The following GALNT17 variants were observed in gnomAD, a reference collection of about 807,000 sequenced individuals.
GALNT17 encodes the protein UDP-GalNAc:polypeptide N-acetylgalactosaminyltransferase-like 3.
GALNT17 carries 29 observed loss-of-function variants against 63.7 expected under a neutral mutation model. The ratio of observed to expected loss-of-function variants is 0.46; its 90% CI spans 0.34 to 0.62. GALNT17 has a LOEUF of 0.62. GALNT17 is among the 20% of genes least tolerant of loss of function. The pLI is 0.01. For synonymous variants in GALNT17, 305 were observed against 318.3 expected (o/e 0.96, Z 0.45); for missense variants, 603 against 799.6 (o/e 0.75, Z 2.97).
chr7:71,264,874 C>T (rs1004472090), intron 1 of GALNT17, among the ~76,000 whole-genome samples: 1 of 151,196 alleles, frequency 6.6e-6, no homozygotes, highest in Non-Finnish European at 1.5e-5. Context: ...TTAATGGGTG[C>T]AAAAATACAG....
chr7:71,615,119 G>A (rs1371954595), intron 6 of GALNT17, among the ~76,000 whole-genome samples: 1 of 152,204 alleles, frequency 6.6e-6, no homozygotes, highest in Non-Finnish European at 1.5e-5. Context: ...AAGGAATATA[G>A]CCCTGACTGG....
At chr7:71,509,351 A>T (rs1788317381) in intron 5 of GALNT17, among the ~76,000 whole-genome samples, 1 of 152,126 alleles carries the variant, frequency 6.6e-6, no homozygotes, top group South Asian at 2.1e-4. Flanking sequence ...CCAAGTCCCC[A>T]CCCTTCAGCT....
intron 2 of GALNT17, among the ~76,000 whole-genome samples, chr7:71,368,269 T>C (rs1792552117): frequency 6.6e-6 from 1 of 152,240 alleles, no homozygotes; most frequent in South Asian, 2.1e-4. Context: ...GTCTGAATTT[T>C]ATAAGGTGGC....
chr7:71,418,196 A>G (rs1786579406), intron 4 of GALNT17, among the ~76,000 whole-genome samples: 1 of 152,154 alleles, frequency 6.6e-6, no homozygotes, highest in Non-Finnish European at 1.5e-5. Context: ...GTCTAATTCT[A>G]GTCTACCTAA....
chr7:71,138,794 C>G (rs144188757), intron 1 of GALNT17, among the ~76,000 whole-genome samples: 1 of 151,882 alleles, frequency 6.6e-6, no homozygotes, highest in African/African-American at 2.4e-5. Flanking sequence ...GCCAACATGG[C>G]GAAACCCTGT....
intron 2 of GALNT17, among the ~76,000 whole-genome samples, chr7:71,364,233 G>T (rs1419210956): frequency 2.0e-5 from 3 of 152,178 alleles, no homozygotes; most frequent in Admixed American, 2.0e-4. Context: ...ACAGTAGTTA[G>T]TGGCAGGCCA....
intron 8 of GALNT17, among the ~76,000 whole-genome samples, chr7:71,674,580 A>G (rs1392363110): frequency 6.6e-6 from 1 of 152,014 alleles, no homozygotes; most frequent in Admixed American, 6.6e-5. Flanking sequence ...CAGTGGCGCA[A>G]TCTCAGCTCA....
Position 71,639,209 on chromosome 7 carries a change from T to A in GALNT17, c.1081-26202T>A, listed in dbSNP as rs139711170. Among the ~76,000 whole-genome samples, 15 of 152,272 alleles carry A rather than the reference T, an allele frequency of 9.9e-5. No homozygotes were observed. In the East Asian group the frequency reaches 2.7e-3, roughly 27 times the overall value. On this transcript the variant is annotated intron_variant, in intron 6 of 10. Coordinates refer to ENST00000333538, the MANE Select transcript of GALNT17 (RefSeq NM_022479.3). ...AAACGTCTCGTGTACCCCATAAATA[T>A]ATACAGCTACTGTGTACCCACAAAA...
At chr7:71,444,981 A>G (rs948135732) in intron 5 of GALNT17, among the ~76,000 whole-genome samples, 3 of 152,110 alleles carry the variant, frequency 2.0e-5, no homozygotes, top group Non-Finnish European at 1.5e-5. Context: ...AATATTCTCC[A>G]AAGCGGTGTC....
chr7:71,279,960 A>G (rs949410877), intron 1 of GALNT17, among the ~76,000 whole-genome samples: 1 of 152,048 alleles, frequency 6.6e-6, no homozygotes, highest in Non-Finnish European at 1.5e-5. Context: ...TTGTTTCTCT[A>G]TCCTCTGGAT....
chr7:71,296,714 A>AG (rs1791086775), intron 1 of GALNT17, among the ~76,000 whole-genome samples: 1 of 151,038 alleles, frequency 6.6e-6, no homozygotes, highest in African/African-American at 2.4e-5. Flanking sequence ...GAAAAAAAAA[A>AG]CGTGTTTTTT....
chr7:71,648,650 C>A (rs1398967412), intron 6 of GALNT17, among the ~76,000 whole-genome samples: 1 of 151,830 alleles, frequency 6.6e-6, no homozygotes. Context: ...TTGCCCAGGC[C>A]GGTCTTGAAC....
intron 1 of GALNT17, among the ~76,000 whole-genome samples, chr7:71,184,349 C>T (rs1788792284): frequency 6.6e-6 from 1 of 151,720 alleles, no homozygotes. Flanking sequence ...ATACTCCAAC[C>T]ACTCGATGAT....
chr7:71,241,616 A>G (rs973247193), intron 1 of GALNT17, among the ~76,000 whole-genome samples: 2 of 152,158 alleles, frequency 1.3e-5, no homozygotes, highest in Non-Finnish European at 2.9e-5. Context: ...GGCTGGGTGC[A>G]GTGTCTCATG....
chr7:71,571,881 T>C (rs1272591380), intron 6 of GALNT17, among the ~76,000 whole-genome samples: 1 of 151,916 alleles, frequency 6.6e-6, no homozygotes, highest in African/African-American at 2.4e-5. Context: ...AGCGTGATGG[T>C]GCATGTCTGT....
chr7:71,647,182 A>G (rs1790691276), intron 6 of GALNT17, among the ~76,000 whole-genome samples: 1 of 151,078 alleles, frequency 6.6e-6, no homozygotes, highest in Admixed American at 6.6e-5. Context: ...CTCCTGCCTC[A>G]GCCTCCTAAG....
At chr7:71,153,174 G>C (rs1296233238) in intron 1 of GALNT17, among the ~76,000 whole-genome samples, 1 of 152,158 alleles carries the variant, frequency 6.6e-6, no homozygotes, top group East Asian at 1.9e-4. Context: ...ACAAAGCCAA[G>C]CCAAAGCTGG....
At chr7:71,314,548 G>A (rs979039177) in intron 1 of GALNT17, among the ~76,000 whole-genome samples, 11 of 152,092 alleles carry the variant, frequency 7.2e-5, no homozygotes, top group African/African-American at 2.7e-4. Flanking sequence ...TGGAAAGAAG[G>A]ACAAAGAGCC....
At position 71,198,091 on chromosome 7, in the gene GALNT17, G is replaced by T. The variant is rs759379166; in HGVS notation, c.238+65051G>T. The stretch of plus-strand genomic sequence containing the variant: ...CGGGCTCCTGTAATCCCAGCTACTC[G>T]GGAGGCTGAGGCAGGAGAATCGCTT... On this transcript the variant is annotated intron_variant, in intron 1 of 10. Coordinates refer to ENST00000333538, the MANE Select transcript of GALNT17 (RefSeq NM_022479.3). 2.0e-5 allele frequency among the ~76,000 whole-genome samples: 3 copies of T among 151,638 alleles called. 1 individual carries two copies. The South Asian group carries it at 6.3e-4, about 32-fold the overall frequency.
Sources: gnomAD v4.1 joint callset for allele counts (sites outside exome capture counted in the v4.1 genomes callset) on GRCh38, gnomAD v4.1.1 for gene constraint, MANE v1.5 for transcripts, NCBI Gene and HGNC (gene_info 2026-07-23, HGNC 2026-07-21) for gene names.